The following TEX264 variants were observed in gnomAD, a reference collection of about 807,000 sequenced individuals.
TEX264 encodes the protein testis expressed 264, ER-phagy receptor.
In TEX264, 13 loss-of-function variants were observed where a neutral mutation model predicts 23.4. The ratio of observed to expected loss-of-function variants is 0.56; its 90% CI spans 0.36 to 0.88. TEX264 has a LOEUF of 0.88. Among genes scored for constraint, TEX264 ranks in the 40% least tolerant of loss-of-function variants. The pLI is 0.01. For synonymous variants in TEX264, 159 were observed against 170.0 expected (o/e 0.94, Z 0.50); for missense variants, 340 against 406.8 (o/e 0.84, Z 1.41).
rs138563355 is a variant in TEX264 at position 51,674,523 on chromosome 3, G to T, written c.219G>T (p.Lys73Asn). The part of the protein sequence containing the change: ...LFTESCSISP[K>N]LRSIAVYYDN... ...CTGAGAGCTGCAGCATCTCTCCCAA[G>T]CTCCGCTCCATCGCTGTCTACTATG... The change falls in exon 2 of 5, where the codon AAG becomes AAT. Residue 73 changes from lysine (K) to asparagine (N), a missense_variant. Coordinates refer to ENST00000341333, the MANE Select transcript of TEX264 (RefSeq NM_015926.6). 6.8e-6 allele frequency: 11 copies of T among 1,614,060 alleles called. No homozygotes were observed. Among genetic ancestry groups the T allele is most frequent in the South Asian group, 1.1e-5 (1 of 91,090 alleles).
intron 3 of TEX264, among the ~76,000 whole-genome samples, chr3:51,688,403 G>C (rs918672916): frequency 6.6e-6 from 1 of 152,236 alleles, no homozygotes; most frequent in South Asian, 2.1e-4. Context: ...GATTGTGTGT[G>C]TAAGGTCTCT....
chr3:51,679,307 C>T (rs1702342383), intron 2 of TEX264, among the ~76,000 whole-genome samples: 1 of 152,164 alleles, frequency 6.6e-6, no homozygotes, highest in African/African-American at 2.4e-5. Flanking sequence ...AGGTGGGTGT[C>T]ACACTTGACA....
In TEX264 at chr3:51,691,528, A is replaced by G. The variant is rs1029363066; in HGVS notation, c.480+6894A>G. On this transcript the variant is annotated intron_variant, in intron 3 of 4. Transcript: ENST00000341333. This position sits in a 1 kb window ranked among gnomAD's most constrained non-coding sequence, Gnocchi z 4.4. ...AAAACAACCCTTGTGCGGTGGTGGCATTTGGGCTGCACCTATAAGGTAGGC... is the reference window on the plus strand; with the variant it reads ...AAAACAACCCTTGTGCGGTGGTGGCGTTTGGGCTGCACCTATAAGGTAGGC... Among the ~76,000 whole-genome samples, 1 of 152,166 alleles carries G rather than the reference A, an allele frequency of 6.6e-6. No homozygotes were observed. Among genetic ancestry groups the G allele is most frequent in the Admixed American group, 6.5e-5 (1 of 15,280 alleles).
chr3:51,694,911 G>A (rs1001950447), intron 3 of TEX264, among the ~76,000 whole-genome samples: 1 of 152,220 alleles, frequency 6.6e-6, no homozygotes, highest in African/African-American at 2.4e-5. Context: ...TGGTGGGGGT[G>A]AGAGGAAAGT....
chr3:51,698,400 G>C (rs1056220913), intron 3 of TEX264, among the ~76,000 whole-genome samples: 2 of 152,318 alleles, frequency 1.3e-5, no homozygotes, highest in South Asian at 4.1e-4. Context: ...TGGCGGGTGA[G>C]CAGTGACAGG....
chr3:51,699,518 CAG>C lies in TEX264; in HGVS notation c.596_597del (p.Glu199ValfsTer11). ...TTCTATGTGCCTGAGATGAAGGAGA[CAG>C]AGTGGAAATGGCGGGGGCTTGTGGA... On this transcript the variant is annotated frameshift_variant, in exon 4 of 5. Coordinates refer to ENST00000341333, the MANE Select transcript of TEX264 (RefSeq NM_015926.6). LOFTEE classifies it high-confidence loss of function. The C allele has an allele frequency of 6.2e-7, 1 of 1,614,056 alleles. No homozygotes were observed. Among genetic ancestry groups the C allele is most frequent in the South Asian group, 1.1e-5 (1 of 91,084 alleles).
intron 3 of TEX264, among the ~76,000 whole-genome samples, chr3:51,698,515 C>T (rs1703158252): frequency 6.6e-6 from 1 of 152,126 alleles, no homozygotes; most frequent in Non-Finnish European, 1.5e-5. Context: ...TCTGGCTGTC[C>T]CTGCCTGCCT....
intron 3 of TEX264, among the ~76,000 whole-genome samples, chr3:51,694,045 T>TCCTCCCTCCCTC (rs1318013978): frequency 8.5e-6 from 1 of 117,368 alleles, no homozygotes; most frequent in African/African-American, 3.3e-5. Context: ...CTTCCTTCCT[T>TCCTCCCTCCCTC]CCTCCCTTCC....
chr3:51,672,758 A>G (rs1702093479), intron 1 of TEX264, among the ~76,000 whole-genome samples: 1 of 152,202 alleles, frequency 6.6e-6, no homozygotes, highest in African/African-American at 2.4e-5. Context: ...ACCTCTAACT[A>G]CTTGAACCTT....
At chr3:51,682,890 A>C (rs1057291804) in intron 2 of TEX264, 1 of 152,264 alleles carries the variant, frequency 6.6e-6, no homozygotes, top group Admixed American at 6.5e-5. Context: ...AGCCTGGAAT[A>C]GGTGCCCAAG....
chr3:51,693,476 GTTTTTTT>G (rs766273698), intron 3 of TEX264, among the ~76,000 whole-genome samples: 4 of 121,710 alleles, frequency 3.3e-5, no homozygotes, highest in South Asian at 2.7e-4. Flanking sequence ...TTTCCATTAT[GTTTTTTT>G]TTTTTTTTTT....
chr3:51,677,665 T>A (rs1324105371), intron 2 of TEX264, among the ~76,000 whole-genome samples: 2 of 151,692 alleles, frequency 1.3e-5, no homozygotes, highest in African/African-American at 2.4e-5. Context: ...GGGCAGGGAG[T>A]AGGCTGGTCC....
chr3:51,701,135 C>T (rs544838676), intron 4 of TEX264, among the ~76,000 whole-genome samples: 2 of 152,188 alleles, frequency 1.3e-5, no homozygotes, highest in East Asian at 1.9e-4. Context: ...GTGGGCAGAG[C>T]GAGAGGGAGG....
Position 51,703,889 on chromosome 3 carries a change from C to T in TEX264, c.815C>T (p.Ser272Phe). 8 of 1,611,996 alleles carry T rather than the reference C, an allele frequency of 5.0e-6. No individual in the cohort carries two copies. Among genetic ancestry groups the T allele is most frequent in the Non-Finnish European group, 6.8e-6 (8 of 1,178,620 alleles). Residue 272 changes from serine (S) to phenylalanine (F), a missense_variant, in exon 5 of 5, where the codon TCT becomes TTT. Physicochemically the swap from Ser to Phe is radical, Grantham distance 155. Coordinates refer to ENST00000341333, the MANE Select transcript of TEX264 (RefSeq NM_015926.6). The surrounding 1 kb of genome is among the most constrained non-coding windows in gnomAD (Gnocchi z 4.8). Reference protein sequence around the residue: ...SYSESGASGSSFEELDLEGEG... With the variant: ...SYSESGASGSFFEELDLEGEG... ...AGCGAGTCAGGTGCCAGCGGCTCCT[C>T]TTTTGAGGAGCTGGACTTGGAGGGC...
intron 3 of TEX264, among the ~76,000 whole-genome samples, chr3:51,689,917 T>A (rs904570104): frequency 2.0e-5 from 3 of 152,140 alleles, no homozygotes; most frequent in Non-Finnish European, 2.9e-5. Context: ...CCTGGGGAGC[T>A]GCAGGTTGGA....
Position 51,686,810 on chromosome 3 carries a change from ACC to A in TEX264, c.480+2177_480+2178del, listed in dbSNP as rs1037291147. On this transcript the variant is annotated intron_variant, in intron 3 of 4. Transcript: ENST00000341333. This position sits in a 1 kb window ranked among gnomAD's most constrained non-coding sequence, Gnocchi z 4.1. ...TCCAGTCCTGTCGGTGCCATCCTCA[ACC>A]TCATGGGCCCATCTGGAGGGGCACC... Among the ~76,000 whole-genome samples, 1 of 151,944 alleles carries A rather than the reference ACC, an allele frequency of 6.6e-6. No individual in the cohort carries two copies. The highest frequency in any genetic ancestry group is 1.5e-5 in the Non-Finnish European group (1 of 67,970).
At chr3:51,696,967 C>T (rs1484204289) in intron 3 of TEX264, among the ~76,000 whole-genome samples, 4 of 152,164 alleles carry the variant, frequency 2.6e-5, no homozygotes, top group Non-Finnish European at 4.4e-5. Flanking sequence ...ACCTGGTGCT[C>T]CCTGTGTGAG....
chr3:51,672,816 T>C (rs1398209757), intron 1 of TEX264, among the ~76,000 whole-genome samples: 1 of 152,198 alleles, frequency 6.6e-6, no homozygotes, highest in East Asian at 1.9e-4. Flanking sequence ...ATGAAGTAGC[T>C]GTGTTTCAAC....
At position 51,702,127 on chromosome 3, in the gene TEX264, G is replaced by C. The variant is rs146095953; in HGVS notation, c.650-1597G>C. ...ACCTGGGGTCCCAAGAGAGCCATTG[G>C]GTGGGTGGGCAGACAGAACATACAG... On this transcript the variant is annotated intron_variant, in intron 4 of 4. Transcript: ENST00000341333. Among the ~76,000 whole-genome samples, 379 of 152,260 alleles carry C rather than the reference G, an allele frequency of 2.5e-3. 3 individuals carry two copies. Among genetic ancestry groups the C allele is most frequent in the African/African-American group, 8.4e-3 (348 of 41,542 alleles).
Sources: gnomAD v4.1 joint callset for allele counts (sites outside exome capture counted in the v4.1 genomes callset) on GRCh38, gnomAD v4.1.1 for gene constraint, Gnocchi (gnomAD v3.1) non-coding constraint, MANE v1.5 for transcripts, NCBI Gene and HGNC (gene_info 2026-07-23, HGNC 2026-07-21) for gene names.